DIP2C: variants seen among roughly 807,000 people sequenced by gnomAD.
The protein encoded by DIP2C is disco-interacting protein 2 homolog C.
In DIP2C, 33 loss-of-function variants were observed where a neutral mutation model predicts 192.4. The observed-to-expected ratio is 0.17, with a 90% confidence interval of 0.13 to 0.23. The LOEUF (loss-of-function observed/expected upper bound fraction) is 0.23, where lower values mean the gene tolerates loss of function less well. DIP2C is among the 10% of genes least tolerant of loss of function. The probability of loss-of-function intolerance (pLI) is 1.00; values close to 1 mark genes in which losing one functional copy is unlikely to be tolerated. For missense variants in DIP2C, 1,537 were observed against 2,110.1 expected (o/e 0.73, Z 5.32); for synonymous variants, 979 against 864.1 (o/e 1.13, Z -2.33).
chr10:689,602 A>G lies in DIP2C; in HGVS notation c.-24T>C. The G allele has an allele frequency of 8.9e-7, 1 of 1,128,790 alleles. No homozygotes were observed. Among genetic ancestry groups the G allele is most frequent in the Non-Finnish European group, 1.1e-6 (1 of 920,292 alleles). The allele number at this position is 1,128,790 out of a possible 1,614,324, so 69.9% of individuals were successfully genotyped here. On this transcript the variant is annotated 5_prime_UTR_variant, in exon 1 of 37. Coordinates refer to ENST00000280886, the MANE Select transcript of DIP2C (RefSeq NM_014974.3). This position sits in a 1 kb window ranked among gnomAD's most constrained non-coding sequence, Gnocchi z 6.1. ...ATGCTCCGCGGGCGCCGCGCCCCGC[A>G]CGGCCTCCTCTTTGTTCGCAGGCGG...
chr10:571,589 A>C (rs1255888533), intron 1 of DIP2C, among the ~76,000 whole-genome samples: 1 of 151,522 alleles, frequency 6.6e-6, no homozygotes, highest in Non-Finnish European at 1.5e-5. Context: ...AACTCAGCTG[A>C]CACATTCTCA....
chr10:336,936 C>T (rs1957809453), intron 29 of DIP2C, among the ~76,000 whole-genome samples: 1 of 39,850 alleles, frequency 2.5e-5, no homozygotes, highest in African/African-American at 5.5e-5. Flanking sequence ...GAGGCCTAGA[C>T]TGGTGTGTGC....
chr10:684,137 T>C (rs1366916949), intron 1 of DIP2C, among the ~76,000 whole-genome samples: 1 of 152,236 alleles, frequency 6.6e-6, no homozygotes, highest in Non-Finnish European at 1.5e-5. Context: ...AACATTCAAA[T>C]CAAACTATTG....
At chr10:385,560 A>C in intron 14 of DIP2C, among the ~76,000 whole-genome samples, 1 of 152,208 alleles carries the variant, frequency 6.6e-6, no homozygotes, top group Admixed American at 6.5e-5. Flanking sequence ...TCGCAGGGCT[A>C]GGGGAAGCTC....
intron 35 of DIP2C, 100 bp downstream of exon 35, chr10:283,172 G>A: frequency 6.8e-7 from 1 of 1,477,342 alleles, no homozygotes; most frequent in Non-Finnish European, 9.1e-7. Context: ...GTGCCCTCCT[G>A]GCTTTGGCTG....
chr10:461,003 G>C (rs1223175045), intron 3 of DIP2C, among the ~76,000 whole-genome samples: 1 of 152,164 alleles, frequency 6.6e-6, no homozygotes, highest in Non-Finnish European at 1.5e-5. Flanking sequence ...CAGATGCTGA[G>C]AGATTCTGTC....
intron 31 of DIP2C, among the ~76,000 whole-genome samples, chr10:316,045 A>C (rs1371194358): frequency 1.3e-5 from 2 of 151,140 alleles, no homozygotes; most frequent in African/African-American, 4.9e-5. Context: ...AATACCCCCC[A>C]CCTCTTCATA....
At chr10:427,311 A>G (rs971958359) in intron 4 of DIP2C, among the ~76,000 whole-genome samples, 2 of 152,226 alleles carry the variant, frequency 1.3e-5, no homozygotes, top group Admixed American at 6.5e-5. Context: ...TCTTGATTAC[A>G]GTGGGTCCAC....
chr10:469,896 T>C (rs970404102), intron 3 of DIP2C, among the ~76,000 whole-genome samples: 2 of 152,182 alleles, frequency 1.3e-5, no homozygotes, highest in Non-Finnish European at 2.9e-5. Context: ...CTTCAAAATA[T>C]AGAAGCCAGG....
At chr10:438,683 G>A (rs1187801996) in intron 4 of DIP2C, among the ~76,000 whole-genome samples, 1 of 151,736 alleles carries the variant, frequency 6.6e-6, no homozygotes, top group Non-Finnish European at 1.5e-5. Flanking sequence ...TGGAGACAGG[G>A]TTTTGGAATG....
chr10:329,726 C>T lies in DIP2C; in HGVS notation c.3585-125G>A, dbSNP rs530346888. 6.5e-6 allele frequency: 8 copies of T among 1,240,026 alleles called. No individual in the cohort carries two copies. The South Asian group carries it at 1.1e-4, about 17-fold the overall frequency. 76.8% of individuals were successfully genotyped at this position (1,240,026 alleles called of 1,614,324 possible). On this transcript the variant is annotated intron_variant, in intron 29 of 36. Coordinates refer to ENST00000280886, the MANE Select transcript of DIP2C (RefSeq NM_014974.3). ...GACTTGGAACAGCCCGTGCTGCCATCTGTAGAAGGGCACAGTAAAGCCAAC... is the reference window on the plus strand; with the variant it reads ...GACTTGGAACAGCCCGTGCTGCCATTTGTAGAAGGGCACAGTAAAGCCAAC...
At position 544,562 on chromosome 10, in the gene DIP2C, A is replaced by G. The variant is rs535262376; in HGVS notation, c.86-58032T>C. Among the ~76,000 whole-genome samples, 5 of 152,280 alleles carry G rather than the reference A, an allele frequency of 3.3e-5. No homozygotes were observed. In the East Asian group the frequency reaches 9.6e-4, roughly 29 times the overall value. On this transcript the variant is annotated intron_variant, in intron 1 of 36. Transcript: ENST00000280886. ...TTCCTTCCCCTCCCACTAGCAATAT[A>G]TACAGATTCCAATTTTCCCATCTTC... is the stretch of plus-strand genomic sequence containing the variant.
chr10:539,492 A>G (rs1189116474), intron 1 of DIP2C, among the ~76,000 whole-genome samples: 1 of 152,194 alleles, frequency 6.6e-6, no homozygotes, highest in Non-Finnish European at 1.5e-5. Context: ...TATTCCAGGG[A>G]CCTGAGTGCC....
intron 9 of DIP2C, among the ~76,000 whole-genome samples, chr10:406,580 G>A (rs943516836): frequency 3.9e-5 from 6 of 152,190 alleles, no homozygotes; most frequent in Non-Finnish European, 7.3e-5. Context: ...TCAATCCTGG[G>A]TGGAGAACAA....
chr10:353,399 T>A (rs552831151), intron 24 of DIP2C, among the ~76,000 whole-genome samples: 1 of 152,230 alleles, frequency 6.6e-6, no homozygotes, highest in Non-Finnish European at 1.5e-5. Flanking sequence ...AACCATTTAA[T>A]TTTTTTCGAG....
intron 14 of DIP2C, 97 bp downstream of exon 14, chr10:387,648 G>A: frequency 9.6e-7 from 1 of 1,042,570 alleles, no homozygotes; most frequent in Non-Finnish European, 1.5e-6. Context: ...ACTCCTGTGT[G>A]GACAGACAGT....
Position 665,952 on chromosome 10 carries a change from A to G in DIP2C, c.85+23542T>C, listed in dbSNP as rs117595989. 3.9e-5 allele frequency: 6 copies of G among 152,206 alleles called. No individual in the cohort carries two copies. In the East Asian group the frequency reaches 7.8e-4, roughly 20 times the overall value. The allele number at this position is 152,206 out of a possible 1,614,324, so 9.4% of individuals were successfully genotyped here. A position where few individuals can be genotyped will look rare whatever the true frequency, so the allele number is the denominator to read the frequency against. On this transcript the variant is annotated intron_variant, in intron 1 of 36. Transcript: ENST00000280886. ...CTCAAAGAAGCGCTTTCCTCCCCCA[A>G]CAGACGCCGAAGTCTTTGCCGTGGC...
intron 32 of DIP2C, among the ~76,000 whole-genome samples, chr10:298,053 A>G (rs1029082097): frequency 6.6e-6 from 1 of 152,196 alleles, no homozygotes; most frequent in African/African-American, 2.4e-5. Flanking sequence ...CATTAGTTAG[A>G]ATTAGTAAGC....
chr10:629,012 C>G (rs1854355607), intron 1 of DIP2C: 1 of 152,458 alleles, frequency 6.6e-6, no homozygotes, highest in Admixed American at 6.5e-5. Context: ...TTTGGTCATG[C>G]CAATGGCTGG....
Sources: gnomAD v4.1 joint callset for allele counts (sites outside exome capture counted in the v4.1 genomes callset) on GRCh38, gnomAD v4.1.1 for gene constraint, Gnocchi (gnomAD v3.1) non-coding constraint, MANE v1.5 for transcripts, NCBI Gene and HGNC (gene_info 2026-07-23, HGNC 2026-07-21) for gene names.